Variants in DCC observed in about 807,000 individuals in gnomAD.
The protein encoded by DCC is DCC netrin 1 receptor.
A neutral mutation model predicts 172.5 loss-of-function variants in DCC; 58 were observed. That is an observed-to-expected ratio of 0.34 (90% CI 0.27 to 0.42). The LOEUF (loss-of-function observed/expected upper bound fraction) is 0.42. Among genes scored for constraint, DCC ranks in the 10% least tolerant of loss-of-function variants. The pLI, the probability that DCC is intolerant of heterozygous loss-of-function variation, is 1.00. For synonymous variants in DCC, 709 were observed against 644.5 expected, an observed-to-expected ratio of 1.10 and a Z score of -1.52; for missense variants, 1,740 against 1,791.0, an observed-to-expected ratio of 0.97 and a Z score of 0.51.
chr18:52,643,208 A>G (rs1179590819), intron 1 of DCC, among the ~76,000 whole-genome samples: 1 of 152,186 alleles, frequency 6.6e-6, no homozygotes, highest in Non-Finnish European at 1.5e-5. Flanking sequence ...TTTAAGAAAG[A>G]TTGAATGCTT....
At chr18:53,238,993 A>G (rs1192139875) in intron 12 of DCC, among the ~76,000 whole-genome samples, 3 of 142,496 alleles carry the variant, frequency 2.1e-5, no homozygotes, top group South Asian at 2.4e-4. Context: ...GAATTGAGCA[A>G]TGAGAACACC....
intron 1 of DCC, among the ~76,000 whole-genome samples, chr18:52,724,662 A>G (rs1414588898): frequency 6.6e-6 from 1 of 152,128 alleles, no homozygotes; most frequent in African/African-American, 2.4e-5. Flanking sequence ...TCCTTTGGCA[A>G]CCATTTGTAT....
rs187125066 is a variant in DCC at position 52,423,958 on chromosome 18, G to T, written c.91+83080G>T. On this transcript the variant is annotated intron_variant, in intron 1 of 28. Coordinates refer to ENST00000442544, the MANE Select transcript of DCC (RefSeq NM_005215.4). ...ACCCTTTCGCTTCCGTTCCGATAAT[G>T]TCTCTAGGACCAAGAATGGTTTCTT... Among the ~76,000 whole-genome samples the T allele has an allele frequency of 3.4e-3, 517 of 152,220 alleles. 1 individual carries two copies. The highest frequency in any genetic ancestry group is 5.5e-3 in the Non-Finnish European group (376 of 68,018).
intron 1 of DCC, among the ~76,000 whole-genome samples, chr18:52,362,319 C>G (rs1984653131): frequency 6.6e-6 from 1 of 152,214 alleles, no homozygotes; most frequent in South Asian, 2.1e-4. Context: ...CCACTTGGAG[C>G]TGGGAAGTCA....
chr18:52,879,412 C>CCTTTTTTTTTTTTTTT (rs2039447955), intron 2 of DCC, among the ~76,000 whole-genome samples: 1 of 62,356 alleles, frequency 1.6e-5, no homozygotes, highest in Non-Finnish European at 2.9e-5. Context: ...TGTTGTTTGG[C>CCTTTTTTTTTTTTTTT]TTTTTTTTTT....
intron 12 of DCC, among the ~76,000 whole-genome samples, chr18:53,242,992 G>T (rs894120425): frequency 6.6e-6 from 1 of 151,984 alleles, no homozygotes; most frequent in Non-Finnish European, 1.5e-5. Context: ...AGTGGTAGGT[G>T]AGAGGACCCC....
intron 12 of DCC, among the ~76,000 whole-genome samples, chr18:53,226,137 A>C (rs978895528): frequency 6.6e-6 from 1 of 152,184 alleles, no homozygotes; most frequent in African/African-American, 2.4e-5. Flanking sequence ...AGCCCCAGCC[A>C]GGGCTGTTGG....
At chr18:52,742,268 A>C (rs1182459765) in intron 1 of DCC, among the ~76,000 whole-genome samples, 1 of 151,630 alleles carries the variant, frequency 6.6e-6, no homozygotes, top group East Asian at 1.9e-4. Flanking sequence ...GTCTTTGCTC[A>C]AGTCTTGCCC....
At chr18:52,433,903 T>C (rs1000090143) in intron 1 of DCC, among the ~76,000 whole-genome samples, 3 of 152,198 alleles carry the variant, frequency 2.0e-5, no homozygotes, top group East Asian at 1.9e-4. Context: ...CCCTGTGATA[T>C]AGACCATAAG....
chr18:53,488,690 T>C (rs1243313657), intron 26 of DCC, among the ~76,000 whole-genome samples: 2 of 152,148 alleles, frequency 1.3e-5, no homozygotes, highest in East Asian at 1.9e-4. Context: ...ATAAAGGGAA[T>C]TGACTAGTAT....
At chr18:52,353,214 A>G (rs1033810603) in intron 1 of DCC, among the ~76,000 whole-genome samples, 4 of 152,138 alleles carry the variant, frequency 2.6e-5, no homozygotes, top group African/African-American at 9.7e-5. Context: ...TTTCCTTGAG[A>G]TTACAAGCCC....
intron 1 of DCC, among the ~76,000 whole-genome samples, chr18:52,423,998 C>T (rs1987340038): frequency 6.6e-6 from 1 of 152,050 alleles, no homozygotes; most frequent in Admixed American, 6.6e-5. Flanking sequence ...ATCCTTTCTA[C>T]CAAAAGTCCA....
intron 2 of DCC, among the ~76,000 whole-genome samples, chr18:52,789,406 A>G (rs1234176852): frequency 1.3e-5 from 2 of 152,176 alleles, no homozygotes. Flanking sequence ...CTGAGAAGAA[A>G]AGGCTTTTTC....
chr18:53,513,309 G>A (rs1373284383), intron 27 of DCC, among the ~76,000 whole-genome samples: 1 of 152,160 alleles, frequency 6.6e-6, no homozygotes, highest in Non-Finnish European at 1.5e-5. Flanking sequence ...ACTCCTGAAG[G>A]AAGCGCTAAA....
At chr18:53,260,235 G>T (rs1389499598) in intron 12 of DCC, among the ~76,000 whole-genome samples, 1 of 152,096 alleles carries the variant, frequency 6.6e-6, no homozygotes, top group African/African-American at 2.4e-5. Flanking sequence ...GCTTTGTTTG[G>T]TTGCTGGTGA....
chr18:52,658,408 T>C (rs1371706245), intron 1 of DCC, among the ~76,000 whole-genome samples: 6 of 152,172 alleles, frequency 3.9e-5, no homozygotes, highest in Non-Finnish European at 1.5e-5. Context: ...TTTTTATTTT[T>C]ACATAAAACT....
At chr18:53,015,728 C>T (rs2041798674) in intron 5 of DCC, among the ~76,000 whole-genome samples, 1 of 151,976 alleles carries the variant, frequency 6.6e-6, no homozygotes, top group Admixed American at 6.6e-5. Flanking sequence ...ATATGATGAA[C>T]AAAACCTAAA....
Position 53,516,406 on chromosome 18 carries a change from G to C in DCC, c.4112-10211G>C, listed in dbSNP as rs12959935. ...TAGGCATGGGCAAGGACTTCATGTC[G>C]AAAACACCAAAAGCAATGGCAACAA... On this transcript the variant is annotated intron_variant, in intron 27 of 28. Transcript: ENST00000442544. 5.8e-3 allele frequency among the ~76,000 whole-genome samples: 800 copies of C among 138,490 alleles called. 3 individuals are homozygous for C. Among genetic ancestry groups the C allele is most frequent in the Middle Eastern group, 0.024 (7 of 290 alleles). The allele number at this position is 138,490 out of a possible 152,430, so 90.9% of individuals were successfully genotyped here. A position where few individuals can be genotyped will look rare whatever the true frequency, so the allele number is the denominator to read the frequency against.
chr18:53,018,557 G>A (rs2041839148), intron 5 of DCC, among the ~76,000 whole-genome samples: 1 of 152,080 alleles, frequency 6.6e-6, no homozygotes, highest in Non-Finnish European at 1.5e-5. Context: ...TCTCAGGGAT[G>A]ATTTTTCTGT....
Sources: gnomAD v4.1 joint callset for allele counts (sites outside exome capture counted in the v4.1 genomes callset) on GRCh38, gnomAD v4.1.1 for gene constraint, MANE v1.5 for transcripts, NCBI Gene and HGNC (gene_info 2026-07-23, HGNC 2026-07-21) for gene names.